Variants in GJA8 observed in about 807,000 individuals in gnomAD.
GJA8 encodes the protein gap junction alpha-8 protein.
GJA8 carries 13 observed loss-of-function variants against 15.3 expected under a neutral mutation model. That is an observed-to-expected ratio of 0.85 (90% CI 0.55 to 1.35). GJA8 has a LOEUF of 1.35. Ranked by LOEUF, GJA8 falls within the 40% of genes most tolerant of loss-of-function variation. The probability of loss-of-function intolerance (pLI) is 0.00; values close to 1 mark genes in which losing one functional copy is unlikely to be tolerated. For synonymous variants in GJA8, 304 were observed against 238.7 expected, an observed-to-expected ratio of 1.27 and a Z score of -2.52; for missense variants, 607 against 553.3, an observed-to-expected ratio of 1.10 and a Z score of -0.97.
At chr1:147,907,841 C>A in intron 1 of GJA8, 104 bp from the exon 2 acceptor site, 1 of 822,292 alleles carries the variant, frequency 1.2e-6, no homozygotes, top group Non-Finnish European at 2.1e-6. Flanking sequence ...ATTGACCGTT[C>A]TGGCAACTTG....
chr1:147,909,330 G>A, downstream of GJA8: 1 of 1,141,290 alleles, frequency 8.8e-7, no homozygotes, highest in Non-Finnish European at 1.3e-6. Context: ...GTGCCAACAT[G>A]ATCTGAATCT....
rs782436434 is a variant in GJA8, at chr1:147,909,023, G to C, written c.1068G>C (p.Leu356=). The C allele has an allele frequency of 1.9e-6, 3 of 1,595,906 alleles. No homozygotes were observed. The highest frequency in any genetic ancestry group is 2.6e-6 in the Non-Finnish European group (3 of 1,170,792). The change falls in exon 2 of 2, where the codon CTG becomes CTC. Residue 356 remains leucine, a synonymous_variant. Coordinates refer to ENST00000369235, the MANE Select transcript of GJA8 (RefSeq NM_005267.5). ...VGEKKEEAER[L]TTEEQEKVAV... is the part of the protein sequence containing the mutation. ...AGAAGAAGGAGGAAGCAGAGAGGCT[G>C]ACCACGGAGGAGCAGGAGAAGGTGG... is the stretch of plus-strand genomic sequence containing the variant.
chr1:147,907,919 T>A, intron 1 of GJA8, 26 bp from the exon 2 acceptor site: 1 of 1,545,020 alleles, frequency 6.5e-7, no homozygotes, highest in Non-Finnish European at 8.9e-7. Flanking sequence ...GCCGCTCAGC[T>A]CTTGCCTTCT....
chr1:147,911,130 TAGC>T (rs1411714252), downstream of GJA8, among the ~76,000 whole-genome samples: 9 of 152,112 alleles, frequency 5.9e-5, no homozygotes, highest in African/African-American at 2.2e-4. Context: ...CAAGTTGACA[TAGC>T]AGGGACCTGG....
intron 1 of GJA8, among the ~76,000 whole-genome samples, chr1:147,903,705 G>A (rs782488017): frequency 6.6e-6 from 1 of 152,046 alleles, no homozygotes; most frequent in Non-Finnish European, 1.5e-5. Flanking sequence ...CATCCATCTG[G>A]GGATCTGTCA....
intron 1 of GJA8, among the ~76,000 whole-genome samples, chr1:147,905,661 A>G (rs1553242202): frequency 6.6e-6 from 1 of 152,168 alleles, no homozygotes; most frequent in Non-Finnish European, 1.5e-5. Flanking sequence ...CCTGATTGTG[A>G]TGTTTCCCAC....
chr1:147,906,346 G>C (rs891865980), intron 1 of GJA8, among the ~76,000 whole-genome samples: 2 of 152,186 alleles, frequency 1.3e-5, no homozygotes, highest in African/African-American at 4.8e-5. Context: ...ATTCTTTATA[G>C]GTTACAGGTT....
chr1:147,905,348 A>AG (rs771839735), intron 1 of GJA8, among the ~76,000 whole-genome samples: 39 of 152,326 alleles, frequency 2.6e-4, no homozygotes, highest in Non-Finnish European at 4.4e-4. Context: ...TTGATACTAA[A>AG]GGGGGGAAAA....
chr1:147,909,162 T>TCACA lies in GJA8; in HGVS notation c.1210_1211insACAC (p.Leu404HisfsTer10). The stretch of plus-strand genomic sequence containing the variant: ...AGGGCTGCCAGCTGAGAAGACACCT[T>TCACA]CACTCTGTCCAGAGCTGACAACAGA... On this transcript the variant is annotated frameshift_variant, in exon 2 of 2. Coordinates refer to ENST00000369235, the MANE Select transcript of GJA8 (RefSeq NM_005267.5). LOFTEE classifies it high-confidence loss of function. 6.2e-7 allele frequency: 1 copy of TCACA among 1,613,226 alleles called. No individual in the cohort carries two copies. Among genetic ancestry groups the TCACA allele is most frequent in the East Asian group, 2.2e-5 (1 of 44,814 alleles).
intron 1 of GJA8, 72 bp from the exon 2 acceptor site, chr1:147,907,873 T>A: frequency 9.2e-7 from 1 of 1,088,726 alleles, no homozygotes; most frequent in South Asian, 1.2e-5. Context: ...TACCCCGCGT[T>A]AGCAAAAACA....
downstream of GJA8, among the ~76,000 whole-genome samples, chr1:147,910,466 T>C (rs587644642): frequency 4.6e-5 from 7 of 152,318 alleles, no homozygotes; most frequent in African/African-American, 1.7e-4. Context: ...TTGTAGCCCC[T>C]GGGTTCTGAA....
At chr1:147,906,239 C>T (rs1057224813) in intron 1 of GJA8, among the ~76,000 whole-genome samples, 9 of 152,240 alleles carry the variant, frequency 5.9e-5, no homozygotes, top group African/African-American at 2.2e-4. Context: ...TGGGCTCTTG[C>T]CCTGGTCTGA....
At position 147,907,947 on chromosome 1, in the gene GJA8, G is replaced by T. The variant is rs587653014; in HGVS notation, c.-9G>T. ...TGCCTTCTCCCTCATTTCTTCAGGT[G>T]GGTGAGAAATGGGCGACTGGAGTTT... On this transcript the variant is annotated splice_region_variant and 5_prime_UTR_variant, in exon 2 of 2. Transcript: ENST00000369235. 5.6e-6 allele frequency: 9 copies of T among 1,606,808 alleles called. No homozygotes were observed. The African/African-American group carries it at 8.0e-5, about 14-fold the overall frequency.
rs782609517 is a variant in GJA8 at position 147,908,588 on chromosome 1, T to C, written c.633T>C (p.Ser211=). ...CCATCTTCATCCTGTTCATGTTGTC[T>C]GTGGCCTCTGTGTCCCTATTCCTCA... ...EKTIFILFML[S]VASVSLFLNV... is the part of the protein sequence containing the mutation. The change falls in exon 2 of 2, where the codon TCT becomes TCC. Residue 211 remains serine (S), a synonymous_variant. Coordinates refer to ENST00000369235, the MANE Select transcript of GJA8 (RefSeq NM_005267.5). 1.2e-5 allele frequency: 20 copies of C among 1,614,028 alleles called. No individual in the cohort carries two copies. The South Asian group carries it at 2.1e-4, about 17-fold the overall frequency.
At chr1:147,913,507 C>T (rs372900889), downstream of GJA8, among the ~76,000 whole-genome samples, 1 of 152,138 alleles carries the variant, frequency 6.6e-6, no homozygotes, top group Non-Finnish European at 1.5e-5. Flanking sequence ...TATGGAGAAG[C>T]GTCAACCCCT....
In GJA8 at chr1:147,908,525, T is replaced by A. The variant is rs1359983816; in HGVS notation, c.570T>A (p.Asn190Lys). Reference protein sequence around the residue: ...LYRCSRWPCPNVVDCFVSRPT... With the variant: ...LYRCSRWPCPKVVDCFVSRPT... ...GCTGCAGCCGGTGGCCCTGCCCCAA[T>A]GTGGTGGACTGCTTCGTGTCCCGGC... Residue 190 changes from asparagine (N) to lysine (K), a missense_variant, in exon 2 of 2, where the codon AAT (asparagine) becomes AAA (lysine). Asn to Lys is a moderately conservative substitution (Grantham distance 94). Transcript: ENST00000369235. The A allele has an allele frequency of 6.2e-7, 1 of 1,614,150 alleles. No homozygotes were observed.
chr1:147,909,383 T>C (rs1321874143), downstream of GJA8: 1 of 756,842 alleles, frequency 1.3e-6, no homozygotes, highest in Non-Finnish European at 2.3e-6. Flanking sequence ...GGACAGGCAC[T>C]GCAGCAGGGC....
At chr1:147,905,300 A>G (rs1651746698) in intron 1 of GJA8, among the ~76,000 whole-genome samples, 1 of 152,152 alleles carries the variant, frequency 6.6e-6, no homozygotes, top group Non-Finnish European at 1.5e-5. Context: ...TGGTTCACAA[A>G]AGATGAGGCC....
intron 1 of GJA8, among the ~76,000 whole-genome samples, chr1:147,907,535 A>G (rs1177824059): frequency 6.6e-6 from 1 of 152,206 alleles, no homozygotes; most frequent in African/African-American, 2.4e-5. Context: ...GGAACTCTTC[A>G]GCATTATGTC....
Sources: gnomAD v4.1 joint callset for allele counts (sites outside exome capture counted in the v4.1 genomes callset) on GRCh38, gnomAD v4.1.1 for gene constraint, MANE v1.5 for transcripts, NCBI Gene and HGNC (gene_info 2026-07-23, HGNC 2026-07-21) for gene names.